The following TNFRSF21 variants were observed in gnomAD, a reference collection of about 807,000 sequenced individuals.
The protein encoded by TNFRSF21 is TNF receptor superfamily member 21.
In TNFRSF21, 19 loss-of-function variants were observed where a neutral mutation model predicts 45.6. That is an observed-to-expected ratio of 0.42 (90% CI 0.29 to 0.61). TNFRSF21 has a LOEUF of 0.61. TNFRSF21 is among the 20% of genes least tolerant of loss of function. The pLI, the probability that TNFRSF21 is intolerant of heterozygous loss-of-function variation, is 0.23. For synonymous variants in TNFRSF21, 314 were observed against 335.5 expected (o/e 0.94, Z 0.70); for missense variants, 737 against 851.5 (o/e 0.87, Z 1.67).
At chr6:47,268,996 G>T (rs1762374957) in intron 3 of TNFRSF21, among the ~76,000 whole-genome samples, 1 of 152,194 alleles carries the variant, frequency 6.6e-6, no homozygotes, top group African/African-American at 2.4e-5. Context: ...GAACCCTGCA[G>T]TCCTTTGACC....
Position 47,295,783 on chromosome 6 carries a change from T to C in TNFRSF21, c.97-9188A>G, listed in dbSNP as rs147360867. 3.9e-3 allele frequency among the ~76,000 whole-genome samples: 562 copies of C among 144,936 alleles called. 2 individuals carry two copies. Among genetic ancestry groups the C allele is most frequent in the Middle Eastern group, 0.014 (4 of 290 alleles). On this transcript the variant is annotated intron_variant, in intron 1 of 5. Transcript: ENST00000296861. ...CAGTTATGTTGGTCAACTCTTGCAT[T>C]TCCTACTATCCTCTCTGATTTAAAA...
chr6:47,243,460 C>T (rs147812222), intron 4 of TNFRSF21, among the ~76,000 whole-genome samples: 1 of 152,050 alleles, frequency 6.6e-6, no homozygotes, highest in East Asian at 1.9e-4. Context: ...TCGTGTCTCC[C>T]AGGCTGGAGT....
chr6:47,290,250 G>T (rs796333337), intron 1 of TNFRSF21, among the ~76,000 whole-genome samples: 3 of 152,044 alleles, frequency 2.0e-5, no homozygotes, highest in African/African-American at 7.2e-5. Flanking sequence ...GCGGTGGTCG[G>T]CGATGAATAT....
chr6:47,264,834 G>A (rs931444716), intron 3 of TNFRSF21, among the ~76,000 whole-genome samples: 2 of 152,168 alleles, frequency 1.3e-5, no homozygotes, highest in Non-Finnish European at 2.9e-5. Context: ...GTCCAACCCC[G>A]CTGCTGGAAA....
intron 1 of TNFRSF21, among the ~76,000 whole-genome samples, chr6:47,292,763 G>C (rs1043377797): frequency 2.6e-5 from 4 of 152,222 alleles, no homozygotes; most frequent in Admixed American, 1.3e-4. Flanking sequence ...TTCCCAGAGA[G>C]ACTCACTGTG....
chr6:47,249,812 G>T (rs1362621492), intron 4 of TNFRSF21, among the ~76,000 whole-genome samples: 7 of 152,134 alleles, frequency 4.6e-5, no homozygotes, highest in Non-Finnish European at 8.8e-5. Context: ...TTAAGCATGT[G>T]TGTTGTAATC....
intron 3 of TNFRSF21, among the ~76,000 whole-genome samples, chr6:47,268,003 A>G (rs1371691978): frequency 1.3e-5 from 2 of 152,188 alleles, no homozygotes; most frequent in Non-Finnish European, 2.9e-5. Flanking sequence ...TTGCAACAGT[A>G]TATTTGTGAT....
chr6:47,300,323 T>C lies in TNFRSF21; in HGVS notation c.96+9093A>G, dbSNP rs896110577. Reference sequence around the variant, plus strand: ...AATCAACCTTGATCACTGCTTTCAATATCACCTGCTCCTTCCTATCTCGCC... The same window carrying C: ...AATCAACCTTGATCACTGCTTTCAACATCACCTGCTCCTTCCTATCTCGCC... On this transcript the variant is annotated intron_variant, in intron 1 of 5. Coordinates refer to ENST00000296861, the MANE Select transcript of TNFRSF21 (RefSeq NM_014452.5). Among the ~76,000 whole-genome samples, 3 of 152,132 alleles carry C rather than the reference T, an allele frequency of 2.0e-5. No individual in the cohort carries two copies. In the East Asian group the frequency reaches 5.8e-4, roughly 29 times the overall value.
intron 3 of TNFRSF21, among the ~76,000 whole-genome samples, chr6:47,259,387 T>C (rs77262750): frequency 1.4e-5 from 2 of 144,972 alleles, no homozygotes; most frequent in African/African-American, 5.3e-5. Flanking sequence ...TTTTTTTTTT[T>C]GAGACGGAGT....
At chr6:47,270,149 T>A (rs1348989403) in intron 3 of TNFRSF21, among the ~76,000 whole-genome samples, 1 of 152,162 alleles carries the variant, frequency 6.6e-6, no homozygotes, top group Non-Finnish European at 1.5e-5. Flanking sequence ...TCTCCCAGCA[T>A]GGCGTATGAG....
At chr6:47,249,522 T>C (rs1764871163) in intron 4 of TNFRSF21, among the ~76,000 whole-genome samples, 1 of 152,204 alleles carries the variant, frequency 6.6e-6, no homozygotes, top group African/African-American at 2.4e-5. Context: ...AAGTATTCTT[T>C]AGGCAAAAGA....
chr6:47,309,382 G>A (rs1762984491), intron 1 of TNFRSF21, 34 bp downstream of exon 1: 1 of 1,515,302 alleles, frequency 6.6e-7, no homozygotes, highest in Non-Finnish European at 8.8e-7. Context: ...CTGCTCCGGC[G>A]CCGCCGCCAC....
intron 3 of TNFRSF21, among the ~76,000 whole-genome samples, chr6:47,271,491 C>T (rs961537502): frequency 2.6e-5 from 4 of 152,174 alleles, no homozygotes; most frequent in African/African-American, 9.7e-5. Flanking sequence ...ACCAGGCCTG[C>T]CTTACAAGAG....
At chr6:47,271,282 CAAAGGGAAG>C (rs1762415050) in intron 3 of TNFRSF21, among the ~76,000 whole-genome samples, 1 of 152,188 alleles carries the variant, frequency 6.6e-6, no homozygotes. Flanking sequence ...AGGTTACCCA[CAAAGGGAAG>C]CCCATCAGAC....
chr6:47,272,967 G>A (rs567702897), intron 3 of TNFRSF21, among the ~76,000 whole-genome samples: 1 of 152,282 alleles, frequency 6.6e-6, no homozygotes, highest in African/African-American at 2.4e-5. Flanking sequence ...AAACCAGGAG[G>A]AAGTTGAATC....
chr6:47,285,618 G>A (rs543795211), intron 2 of TNFRSF21, among the ~76,000 whole-genome samples: 33 of 152,256 alleles, frequency 2.2e-4, no homozygotes, highest in Middle Eastern at 6.8e-3. Flanking sequence ...TCATTTGTTT[G>A]ACAAGTTTGA....
chr6:47,247,359 G>C (rs558057860), intron 4 of TNFRSF21, among the ~76,000 whole-genome samples: 1 of 152,086 alleles, frequency 6.6e-6, no homozygotes, highest in Non-Finnish European at 1.5e-5. Flanking sequence ...CACAGCAGAG[G>C]GCAGCTGCTA....
At chr6:47,306,347 C>T (rs1273176308) in intron 1 of TNFRSF21, among the ~76,000 whole-genome samples, 1 of 152,224 alleles carries the variant, frequency 6.6e-6, no homozygotes, top group African/African-American at 2.4e-5. Flanking sequence ...ATTTCATTAT[C>T]AAGCAATTTG....
At chr6:47,257,187 C>T (rs1765000734) in intron 3 of TNFRSF21, among the ~76,000 whole-genome samples, 2 of 151,702 alleles carry the variant, frequency 1.3e-5, no homozygotes. Flanking sequence ...AAACCCAGTA[C>T]TGTATTTATC....
Sources: gnomAD v4.1 joint callset for allele counts (sites outside exome capture counted in the v4.1 genomes callset) on GRCh38, gnomAD v4.1.1 for gene constraint, MANE v1.5 for transcripts, NCBI Gene and HGNC (gene_info 2026-07-23, HGNC 2026-07-21) for gene names.